The following RERE variants were observed in gnomAD, a reference collection of about 807,000 sequenced individuals.
RERE encodes arginine-glutamic acid dipeptide repeats.
In RERE, 40 loss-of-function variants were observed where a neutral mutation model predicts 146.1. That is an observed-to-expected ratio of 0.27 (90% CI 0.21 to 0.36). The LOEUF (loss-of-function observed/expected upper bound fraction) is 0.36. Among genes scored for constraint, RERE ranks in the 10% least tolerant of loss-of-function variants. The pLI is 1.00. For synonymous variants in RERE, 1,003 were observed against 866.0 expected, an observed-to-expected ratio of 1.16 and a Z score of -2.78; for missense variants, 1,933 against 2,138.7, an observed-to-expected ratio of 0.90 and a Z score of 1.90.
intron 1 of RERE, among the ~76,000 whole-genome samples, chr1:8,729,217 A>ATTTTTTTTTTT (rs1173630956): frequency 2.0e-5 from 2 of 100,420 alleles, no homozygotes; most frequent in African/African-American, 3.6e-5. Flanking sequence ...AGCTACACCG[A>ATTTTTTTTTTT]TTTTTTTTTT....
chr1:8,576,920 A>G (rs1329251528), intron 4 of RERE, among the ~76,000 whole-genome samples: 3 of 152,232 alleles, frequency 2.0e-5, no homozygotes, highest in Non-Finnish European at 4.4e-5. Flanking sequence ...CTGTAATCCC[A>G]GCACTGTGGG....
At chr1:8,720,269 CAA>C (rs34328284) in intron 1 of RERE, among the ~76,000 whole-genome samples, 2 of 126,292 alleles carry the variant, frequency 1.6e-5, no homozygotes, top group Non-Finnish European at 1.7e-5. Context: ...GACTCCATCT[CAA>C]AAAAAAAAAA....
chr1:8,571,137 C>T (rs866130604), intron 4 of RERE, among the ~76,000 whole-genome samples: 32 of 152,236 alleles, frequency 2.1e-4, no homozygotes, highest in African/African-American at 7.5e-4. Flanking sequence ...AGATAATTTC[C>T]GCTATTCCAG....
intron 12 of RERE, among the ~76,000 whole-genome samples, chr1:8,399,916 CAG>C (rs1643190878): frequency 6.6e-6 from 1 of 150,942 alleles, no homozygotes; most frequent in Non-Finnish European, 1.5e-5. Flanking sequence ...TTTTAAGAGA[CAG>C]AGTCTCACTA....
At chr1:8,494,136 C>T (rs1645013437) in intron 10 of RERE, among the ~76,000 whole-genome samples, 1 of 152,186 alleles carries the variant, frequency 6.6e-6, no homozygotes, top group Admixed American at 6.5e-5. Flanking sequence ...ATGCAACCAA[C>T]TCAGTAACAT....
chr1:8,360,904 G>A lies in RERE; in HGVS notation c.2603C>T (p.Pro868Leu), dbSNP rs1210674105. Reference sequence around the variant, plus strand: ...GGGAGGGAGGCCAAAGGGCTGTGGGGGGCCTGGGTGCTGCAGCAGGGGCCC... The same window carrying A: ...GGGAGGGAGGCCAAAGGGCTGTGGGAGGCCTGGGTGCTGCAGCAGGGGCCC... ...QAGPLLQHPG[P>L]PQPFGLPPQA... The change falls in exon 18 of 23, where the codon CCC becomes CTC. Residue 868 changes from proline to leucine, a missense_variant. By Grantham distance (98) the Pro-to-Leu change is moderately conservative (BLOSUM62 -3). This residue lies in a region of RERE where 1,255 missense variants were observed against 1,153.8 expected (regional missense o/e 1.09). Transcript: ENST00000400908. 4.0e-6 allele frequency: 6 copies of A among 1,495,996 alleles called. No homozygotes were observed. The highest frequency in any genetic ancestry group is 2.2e-5 in the Admixed American group (1 of 44,558). 92.7% of individuals were successfully genotyped at this position (1,495,996 alleles called of 1,614,324 possible). A position where few individuals can be genotyped will look rare whatever the true frequency, so the allele number is the denominator to read the frequency against.
At chr1:8,768,879 G>A (rs1043554859) in intron 1 of RERE, among the ~76,000 whole-genome samples, 3 of 152,186 alleles carry the variant, frequency 2.0e-5, no homozygotes, top group East Asian at 1.9e-4. Flanking sequence ...AAGAGAAACC[G>A]TGTACTTAGA....
chr1:8,781,687 T>C (rs1418310502), intron 1 of RERE, among the ~76,000 whole-genome samples: 1 of 150,698 alleles, frequency 6.6e-6, no homozygotes, highest in Non-Finnish European at 1.5e-5. Flanking sequence ...ATTAAATTCA[T>C]CTAGAATGCC....
chr1:8,633,337 CA>C (rs1162887735), intron 2 of RERE, among the ~76,000 whole-genome samples: 4 of 151,726 alleles, frequency 2.6e-5, no homozygotes, highest in Admixed American at 2.0e-4. Flanking sequence ...GTGGGAGGAT[CA>C]CTTAAGCCCA....
chr1:8,586,662 T>C (rs1646431390), intron 4 of RERE, among the ~76,000 whole-genome samples: 1 of 152,186 alleles, frequency 6.6e-6, no homozygotes. Context: ...GGAGACCAGA[T>C]GCCACAGATG....
intron 1 of RERE, among the ~76,000 whole-genome samples, chr1:8,804,838 C>T (rs1173891217): frequency 6.6e-6 from 1 of 152,142 alleles, no homozygotes; most frequent in Non-Finnish European, 1.5e-5. Flanking sequence ...CTATGAGATA[C>T]ATGAAAGAAA....
At chr1:8,607,530 A>ATTTTTTTTTTTTTTTTTTT (rs1646732347) in intron 4 of RERE, among the ~76,000 whole-genome samples, 5 of 57,580 alleles carry the variant, frequency 8.7e-5, no homozygotes, top group African/African-American at 2.7e-4. Context: ...TTTTATATAT[A>ATTTTTTTTTTTTTTTTTTT]TTTCTTTTTT....
chr1:8,535,319 A>G (rs1336102170), intron 7 of RERE, among the ~76,000 whole-genome samples: 1 of 152,190 alleles, frequency 6.6e-6, no homozygotes, highest in African/African-American at 2.4e-5. Context: ...CTTCTGTTGT[A>G]GGTTTTTATT....
At chr1:8,743,943 A>G (rs995975020) in intron 1 of RERE, among the ~76,000 whole-genome samples, 1 of 152,168 alleles carries the variant, frequency 6.6e-6, no homozygotes, top group Non-Finnish European at 1.5e-5. Context: ...TATTTTCTCC[A>G]TGAATTAAGG....
At chr1:8,370,995 C>T (rs1355962426) in intron 12 of RERE, among the ~76,000 whole-genome samples, 1 of 152,084 alleles carries the variant, frequency 6.6e-6, no homozygotes, top group African/African-American at 2.4e-5. Context: ...GCTCCTGATG[C>T]TCTCACCTCA....
chr1:8,577,930 C>CAA (rs1458837463), intron 4 of RERE, among the ~76,000 whole-genome samples: 1 of 151,888 alleles, frequency 6.6e-6, no homozygotes, highest in East Asian at 1.9e-4. Context: ...CTGTCTCTAC[C>CAA]AAAAATACAA....
intron 3 of RERE, among the ~76,000 whole-genome samples, chr1:8,617,714 C>G (rs7532459): frequency 0.63 from 94,609 of 151,092 alleles, 30,026 homozygotes; most frequent in East Asian, 0.83. Flanking sequence ...TTTCATAACA[C>G]ATGGCCTTTT....
At position 8,656,262 on chromosome 1, in the gene RERE, C is replaced by CTCCTTG; in HGVS notation, c.35_36insCAAGGA (p.Asp10_Lys11dup). ...GGTCCCGGTCTCGGTCCCGGTCCTT[C>CTCCTTG]TCTTTGTCTTTGTCTTTGTCTTTGT... is the stretch of plus-strand genomic sequence containing the variant. On this transcript the variant is annotated inframe_insertion, in exon 2 of 23. Transcript: ENST00000400908. 1 of 1,605,062 alleles carries CTCCTTG rather than the reference C, an allele frequency of 6.2e-7. No individual in the cohort carries two copies. Among genetic ancestry groups the CTCCTTG allele is most frequent in the Non-Finnish European group, 8.5e-7 (1 of 1,172,162 alleles).
At chr1:8,646,400 C>T (rs555728252) in intron 2 of RERE, among the ~76,000 whole-genome samples, 3 of 152,192 alleles carry the variant, frequency 2.0e-5, no homozygotes, top group South Asian at 2.1e-4. Context: ...GGCACAGTGC[C>T]GTGCACCTGT....
Sources: gnomAD v4.1 joint callset for allele counts (sites outside exome capture counted in the v4.1 genomes callset) on GRCh38, gnomAD v4.1.1 for gene constraint, gnomAD v4.1.1 regional missense constraint, MANE v1.5 for transcripts, NCBI Gene and HGNC (gene_info 2026-07-23, HGNC 2026-07-21) for gene names.